Variants in CCDC50 observed in about 807,000 individuals in gnomAD.
CCDC50 encodes the protein coiled-coil domain containing 50, also known as coiled-coil domain-containing protein 50.
A neutral mutation model predicts 70.2 loss-of-function variants in CCDC50; 54 were observed. That is an observed-to-expected ratio of 0.77 (90% CI 0.62 to 0.96). CCDC50 has a LOEUF of 0.96. CCDC50 is among the 50% of genes least tolerant of loss of function. The probability of loss-of-function intolerance (pLI) is 0.00; values close to 1 mark genes in which losing one functional copy is unlikely to be tolerated. For missense variants in CCDC50, 558 were observed against 578.7 expected (o/e 0.96, Z 0.37); for synonymous variants, 216 against 198.8 (o/e 1.09, Z -0.73).
chr3:191,355,331 A>C (rs1036226537), intron 1 of CCDC50, among the ~76,000 whole-genome samples: 1 of 152,220 alleles, frequency 6.6e-6, no homozygotes, highest in African/African-American at 2.4e-5. Flanking sequence ...TAATTCATTA[A>C]TTTTTGTAAA....
intron 1 of CCDC50, 89 bp downstream of exon 1, chr3:191,329,812 C>T (rs761335781): frequency 1.1e-4 from 159 of 1,389,910 alleles, no homozygotes; most frequent in Non-Finnish European, 1.5e-4. Flanking sequence ...TTTCGGCTCC[C>T]GCGGCCCTCG....
intron 4 of CCDC50, among the ~76,000 whole-genome samples, chr3:191,369,566 A>G (rs929323844): frequency 6.6e-6 from 1 of 152,220 alleles, no homozygotes; most frequent in Non-Finnish European, 1.5e-5. Context: ...GTAGATTACT[A>G]CATCCTGCCC....
chr3:191,357,893 T>C, intron 2 of CCDC50, 105 bp from the exon 3 acceptor site: 2 of 1,383,190 alleles, frequency 1.4e-6, no homozygotes, highest in South Asian at 2.3e-5. Flanking sequence ...AATGAAGTGA[T>C]GGATGCAAAG....
At chr3:191,386,019 T>C (rs1259326510) in intron 10 of CCDC50, among the ~76,000 whole-genome samples, 1 of 152,160 alleles carries the variant, frequency 6.6e-6, no homozygotes, top group African/African-American at 2.4e-5. Flanking sequence ...GCTTTTTTGG[T>C]TACTGTAGCC....
At position 191,394,004 on chromosome 3, in the gene CCDC50, C is replaced by T. The variant is rs1051339645; in HGVS notation, c.*2244C>T. 2.0e-5 allele frequency: 3 copies of T among 152,062 alleles called. No homozygotes were observed. Among genetic ancestry groups the T allele is most frequent in the Non-Finnish European group, 4.4e-5 (3 of 67,992 alleles). The allele number at this position is 152,062 out of a possible 1,614,324, so 9.4% of individuals were successfully genotyped here. ...AAAATTCTGCATTTCTCTTGCCTCT[C>T]ATGTACTTCATCCAGTTATTTATTA... On this transcript the variant is annotated 3_prime_UTR_variant, in exon 12 of 12. Transcript: ENST00000392455.
chr3:191,380,665 T>C, intron 7 of CCDC50, 22 bp from the exon 8 acceptor site: 1 of 1,608,158 alleles, frequency 6.2e-7, no homozygotes, highest in Non-Finnish European at 8.5e-7. Flanking sequence ...AATTCTTTGT[T>C]TTTGTATTTT....
chr3:191,352,037 T>C (rs1712123043), intron 1 of CCDC50, among the ~76,000 whole-genome samples: 1 of 142,474 alleles, frequency 7.0e-6, no homozygotes, highest in Admixed American at 7.2e-5. Context: ...ATACATTCTG[T>C]TTAAATCACC....
chr3:191,350,582 T>TC (rs1712073733), intron 1 of CCDC50, among the ~76,000 whole-genome samples: 1 of 142,112 alleles, frequency 7.0e-6, no homozygotes. Context: ...GGCTTTTTTT[T>TC]CACTTCCTTT....
Position 191,380,924 on chromosome 3 carries a change from G to T in CCDC50, c.1234G>T (p.Glu412Ter). 6.2e-7 allele frequency: 1 copy of T among 1,611,510 alleles called. No individual in the cohort carries two copies. Among genetic ancestry groups the T allele is most frequent in the South Asian group, 1.1e-5 (1 of 90,896 alleles). ...TTTGGACAAAAGAAAGCAAGACCCC[G>T]AGTGGAAGGTAGAGTGTGTTTTGTT... Reference protein sequence around the residue: ...SSLDKRKQDPEWKPKTAKAAN... With the variant: ...SSLDKRKQDP Residue 412 changes from glutamate to a stop codon, truncating the protein, a stop_gained, in exon 9 of 12, where the codon GAG becomes TAG. Coordinates refer to ENST00000392455, the MANE Select transcript of CCDC50 (RefSeq NM_178335.3). LOFTEE classifies it high-confidence loss of function.
intron 10 of CCDC50, among the ~76,000 whole-genome samples, chr3:191,384,436 T>G (rs1346752994): frequency 6.9e-6 from 1 of 145,230 alleles, no homozygotes; most frequent in Non-Finnish European, 1.5e-5. Flanking sequence ...CTTTCACATT[T>G]AATCATGATG....
intron 1 of CCDC50, among the ~76,000 whole-genome samples, chr3:191,354,413 C>T (rs1472632901): frequency 6.6e-6 from 1 of 152,108 alleles, no homozygotes; most frequent in Non-Finnish European, 1.5e-5. Flanking sequence ...GTTTAATGTT[C>T]TGCTGACTGA....
chr3:191,346,876 T>G (rs1711945695), intron 1 of CCDC50, among the ~76,000 whole-genome samples: 1 of 152,136 alleles, frequency 6.6e-6, no homozygotes, highest in African/African-American at 2.4e-5. Context: ...GTATCTATAA[T>G]TTTAATAAAG....
chr3:191,386,844 A>G (rs768561788), intron 10 of CCDC50, among the ~76,000 whole-genome samples: 1 of 152,210 alleles, frequency 6.6e-6, no homozygotes, highest in African/African-American at 2.4e-5. Flanking sequence ...TTAAGGAAAT[A>G]GAGGATCACT....
At chr3:191,380,081 C>A in intron 6 of CCDC50, 78 bp from the exon 7 acceptor site, 1 of 887,464 alleles carries the variant, frequency 1.1e-6, no homozygotes, top group East Asian at 2.6e-5. Context: ...GAAAAATCTC[C>A]TTTATCTTAA....
At chr3:191,374,124 A>C (rs1297384251) in intron 5 of CCDC50, among the ~76,000 whole-genome samples, 1 of 152,130 alleles carries the variant, frequency 6.6e-6, no homozygotes, top group East Asian at 1.9e-4. Flanking sequence ...AAAATGTTAA[A>C]ATCAGTATAT....
chr3:191,354,572 A>G (rs1446303139), intron 1 of CCDC50, among the ~76,000 whole-genome samples: 1 of 152,230 alleles, frequency 6.6e-6, no homozygotes, highest in Non-Finnish European at 1.5e-5. Flanking sequence ...ACCTAATAAC[A>G]TAAATTGAAG....
chr3:191,348,731 G>A (rs1712007340), intron 1 of CCDC50, among the ~76,000 whole-genome samples: 1 of 142,080 alleles, frequency 7.0e-6, no homozygotes, highest in Admixed American at 7.2e-5. Flanking sequence ...CACCTATGTA[G>A]ATTATTTGCT....
At chr3:191,387,695 T>C (rs1298751541) in intron 10 of CCDC50, among the ~76,000 whole-genome samples, 1 of 152,152 alleles carries the variant, frequency 6.6e-6, no homozygotes, top group Non-Finnish European at 1.5e-5. Context: ...TATCCTTACA[T>C]GGACATGCTA....
chr3:191,363,303 A>G (rs901677443), intron 4 of CCDC50, among the ~76,000 whole-genome samples: 12 of 152,208 alleles, frequency 7.9e-5, no homozygotes, highest in African/African-American at 2.9e-4. Flanking sequence ...TGTCTGTACA[A>G]TTCAGGTCTC....
Sources: gnomAD v4.1 joint callset for allele counts (sites outside exome capture counted in the v4.1 genomes callset) on GRCh38, gnomAD v4.1.1 for gene constraint, MANE v1.5 for transcripts, NCBI Gene and HGNC (gene_info 2026-07-23, HGNC 2026-07-21) for gene names.